The following ANKFN1 variants were observed in gnomAD, a reference collection of about 807,000 sequenced individuals.
ANKFN1 encodes ankyrin repeat and fibronectin type III domain containing 1.
In ANKFN1, 74 loss-of-function variants were observed where a neutral mutation model predicts 108.7. That is an observed-to-expected ratio of 0.68 (90% CI 0.56 to 0.83). The LOEUF is 0.83. Among genes scored for constraint, ANKFN1 ranks in the 40% least tolerant of loss-of-function variants. The pLI, the probability that ANKFN1 is intolerant of heterozygous loss-of-function variation, is 0.00. For missense variants in ANKFN1, 1,505 were observed against 1,382.3 expected (o/e 1.09, Z -1.41); for synonymous variants, 547 against 516.2 (o/e 1.06, Z -0.81).
At chr17:56,348,165 G>A (rs573889227) in intron 4 of ANKFN1, among the ~76,000 whole-genome samples, 1 of 152,118 alleles carries the variant, frequency 6.6e-6, no homozygotes, top group South Asian at 2.1e-4. Flanking sequence ...CAAAGGTAAA[G>A]GATTTGTAGA....
intron 4 of ANKFN1, among the ~76,000 whole-genome samples, chr17:56,073,602 T>C (rs975915954): frequency 6.6e-6 from 1 of 152,258 alleles, no homozygotes. Flanking sequence ...CCACCACCTA[T>C]GTATAGTTTC....
intron 19 of ANKFN1, among the ~76,000 whole-genome samples, chr17:56,498,272 A>G (rs951725316): frequency 6.6e-6 from 1 of 152,144 alleles, no homozygotes; most frequent in Non-Finnish European, 1.5e-5. Context: ...CATAGGTCCA[A>G]AAACCTCTAC....
intron 3 of ANKFN1, among the ~76,000 whole-genome samples, chr17:56,313,268 G>A (rs1356982599): frequency 6.6e-6 from 1 of 152,102 alleles, no homozygotes; most frequent in Non-Finnish European, 1.5e-5. Context: ...AGATGAAAGG[G>A]AGCCAGTCCC....
chr17:56,189,391 C>T (rs532283571), intron 1 of ANKFN1, among the ~76,000 whole-genome samples: 108 of 151,210 alleles, frequency 7.1e-4, no homozygotes, highest in African/African-American at 2.6e-3. Context: ...AGGATGGTCT[C>T]GATCTCCTGA....
chr17:56,130,001 G>A (rs1314006850), intron 4 of ANKFN1, among the ~76,000 whole-genome samples: 2 of 152,218 alleles, frequency 1.3e-5, no homozygotes, highest in Non-Finnish European at 2.9e-5. Flanking sequence ...TAACATACTA[G>A]CAGTTTATGA....
chr17:56,147,548 C>T (rs900684189), intron 4 of ANKFN1, among the ~76,000 whole-genome samples: 1 of 152,106 alleles, frequency 6.6e-6, no homozygotes, highest in Admixed American at 6.6e-5. Flanking sequence ...AAGGGGAAGC[C>T]CCTGATAAAA....
intron 8 of ANKFN1, among the ~76,000 whole-genome samples, chr17:56,381,803 C>T (rs556693132): frequency 6.2e-4 from 94 of 151,890 alleles, no homozygotes; most frequent in African/African-American, 2.0e-3. Context: ...ACCAAATCTA[C>T]GTCTGATTGG....
At chr17:56,242,309 T>A (rs1331492170) in intron 3 of ANKFN1, among the ~76,000 whole-genome samples, 2 of 152,134 alleles carry the variant, frequency 1.3e-5, no homozygotes, top group African/African-American at 4.8e-5. Context: ...TTGGCATCTT[T>A]GTTATACTGT....
At position 56,189,170 on chromosome 17, in the gene ANKFN1, C is replaced by CTTTTTTTT. The variant is rs532063852; in HGVS notation, c.-70-23417_-70-23410dup. Reference sequence around the variant, plus strand: ...CCTAAGTAAGTAAATGTTGCCCTGACTTTTTTTTTTTTTTTTTTGAGACGG... The same window carrying CTTTTTTTT: ...CCTAAGTAAGTAAATGTTGCCCTGACTTTTTTTTTTTTTTTTTTTTTTTTTTGAGACGG... On this transcript the variant is annotated intron_variant, in intron 1 of 20. Transcript: ENST00000682825. Among the ~76,000 whole-genome samples, 26 of 85,260 alleles carry CTTTTTTTT rather than the reference C, an allele frequency of 3.0e-4. 1 individual carries two copies. Among genetic ancestry groups the CTTTTTTTT allele is most frequent in the East Asian group, 5.0e-4 (1 of 2,020 alleles). The allele number at this position is 85,260 out of a possible 152,430, so 55.9% of individuals were successfully genotyped here. A position where few individuals can be genotyped will look rare whatever the true frequency, so the allele number is the denominator to read the frequency against.
intron 3 of ANKFN1, among the ~76,000 whole-genome samples, chr17:56,287,422 G>A (rs977396253): frequency 1.3e-5 from 2 of 152,062 alleles, no homozygotes; most frequent in Non-Finnish European, 2.9e-5. Flanking sequence ...TACCTCATGC[G>A]TTTAGTTCCT....
chr17:56,080,032 A>C (rs1905227406), intron 4 of ANKFN1, among the ~76,000 whole-genome samples: 1 of 152,204 alleles, frequency 6.6e-6, no homozygotes, highest in African/African-American at 2.4e-5. Flanking sequence ...AGAAACAAAA[A>C]AGGCTTGGTT....
At chr17:56,474,354 G>A (rs766128847) in intron 15 of ANKFN1, among the ~76,000 whole-genome samples, 39 of 152,204 alleles carry the variant, frequency 2.6e-4, no homozygotes, top group Non-Finnish European at 5.1e-4. Flanking sequence ...ACTTCTCTCT[G>A]GTCTTGTTCT....
chr17:56,480,947 C>T (rs1775591541), intron 17 of ANKFN1, 129 bp downstream of exon 17: 1 of 1,102,870 alleles, frequency 9.1e-7, no homozygotes, highest in Non-Finnish European at 1.3e-6. Context: ...TTAAACACCA[C>T]TTTGCAAGTG....
intron 4 of ANKFN1, among the ~76,000 whole-genome samples, chr17:56,119,104 G>T (rs150083854): frequency 6.6e-6 from 1 of 152,026 alleles, no homozygotes; most frequent in Admixed American, 6.6e-5. Context: ...TTGGAAATAC[G>T]GGTTTGGAAT....
intron 1 of ANKFN1, among the ~76,000 whole-genome samples, chr17:56,158,257 A>G (rs1463747223): frequency 6.6e-6 from 1 of 152,184 alleles, no homozygotes. Flanking sequence ...AATTCCTAGA[A>G]GTTGGTCAGT....
At chr17:56,104,889 T>C (rs1424398008) in intron 4 of ANKFN1, among the ~76,000 whole-genome samples, 2 of 152,170 alleles carry the variant, frequency 1.3e-5, no homozygotes, top group African/African-American at 2.4e-5. Flanking sequence ...AAAACTTTCA[T>C]GCATTCAGAT....
chr17:56,375,240 C>A (rs1010525171), intron 8 of ANKFN1, among the ~76,000 whole-genome samples: 8 of 152,018 alleles, frequency 5.3e-5, no homozygotes, highest in African/African-American at 1.9e-4. Context: ...TCAGGCCTGG[C>A]TATGAAGGAT....
chr17:56,358,391 G>A (rs900470476), intron 6 of ANKFN1, among the ~76,000 whole-genome samples: 1 of 152,224 alleles, frequency 6.6e-6, no homozygotes, highest in African/African-American at 2.4e-5. Flanking sequence ...CTCGATGCCA[G>A]AGCCACATGG....
chr17:56,090,090 T>C (rs1905384495), intron 4 of ANKFN1, among the ~76,000 whole-genome samples: 1 of 151,158 alleles, frequency 6.6e-6, no homozygotes, highest in Non-Finnish European at 1.5e-5. Flanking sequence ...AGAACTGTTG[T>C]AGGAAAATGT....
Sources: gnomAD v4.1 joint callset for allele counts (sites outside exome capture counted in the v4.1 genomes callset) on GRCh38, gnomAD v4.1.1 for gene constraint, MANE v1.5 for transcripts, NCBI Gene and HGNC (gene_info 2026-07-23, HGNC 2026-07-21) for gene names.